The following GRIN2A variants were observed in gnomAD, a reference collection of about 807,000 sequenced individuals.
GRIN2A encodes the protein glutamate ionotropic receptor NMDA type subunit 2A.
In GRIN2A, 22 loss-of-function variants were observed where a neutral mutation model predicts 113.4. The ratio of observed to expected loss-of-function variants is 0.19; its 90% CI spans 0.14 to 0.28. The LOEUF is 0.28. GRIN2A is among the 10% of genes least tolerant of loss of function. The probability of loss-of-function intolerance (pLI) is 1.00; values close to 1 mark genes in which losing one functional copy is unlikely to be tolerated. For synonymous variants in GRIN2A, 827 were observed against 738.4 expected, an observed-to-expected ratio of 1.12 and a Z score of -1.94; for missense variants, 1,502 against 1,887.0, an observed-to-expected ratio of 0.80 and a Z score of 3.78.
At chr16:9,897,058 G>T (rs2043820645) in intron 3 of GRIN2A, among the ~76,000 whole-genome samples, 1 of 152,134 alleles carries the variant, frequency 6.6e-6, no homozygotes, top group Non-Finnish European at 1.5e-5. Flanking sequence ...GGAGCAATAA[G>T]TACACAGAAG....
At chr16:10,102,596 T>C (rs1236334185) in intron 2 of GRIN2A, among the ~76,000 whole-genome samples, 1 of 152,132 alleles carries the variant, frequency 6.6e-6, no homozygotes, top group East Asian at 1.9e-4. Flanking sequence ...GCCCAGGCTG[T>C]AGTGCAGTGT....
At chr16:9,857,021 G>T (rs1390444961) in intron 4 of GRIN2A, among the ~76,000 whole-genome samples, 1 of 152,156 alleles carries the variant, frequency 6.6e-6, no homozygotes, top group African/African-American at 2.4e-5. Flanking sequence ...TAATGGCGTG[G>T]TGTTCTACCT....
chr16:9,937,510 T>A (rs1210339682), intron 3 of GRIN2A, among the ~76,000 whole-genome samples: 2 of 152,142 alleles, frequency 1.3e-5, no homozygotes, highest in Non-Finnish European at 2.9e-5. Context: ...AAAATTTTTT[T>A]AAATAAAAGA....
At chr16:10,105,338 GAC>G (rs938260918) in intron 2 of GRIN2A, among the ~76,000 whole-genome samples, 1 of 152,168 alleles carries the variant, frequency 6.6e-6, no homozygotes, top group Non-Finnish European at 1.5e-5. Context: ...TCTTTCTGCA[GAC>G]ACAGAAAAAT....
At chr16:9,955,110 T>C (rs567961530) in intron 2 of GRIN2A, among the ~76,000 whole-genome samples, 3 of 152,324 alleles carry the variant, frequency 2.0e-5, no homozygotes, top group East Asian at 1.9e-4. Context: ...AGGGTTTCAC[T>C]CTCTCAACAG....
chr16:10,179,893 C>CCCAGAACAAAAA, intron 2 of GRIN2A, 105 bp downstream of exon 2: 1 of 719,818 alleles, frequency 1.4e-6, no homozygotes, highest in Non-Finnish European at 2.4e-6. Flanking sequence ...CCCCCACCCC[C>CCCAGAACAAAAA]ACTTCACATC....
intron 11 of GRIN2A, among the ~76,000 whole-genome samples, chr16:9,770,132 C>T (rs1901171207): frequency 6.6e-6 from 1 of 152,156 alleles, no homozygotes; most frequent in Admixed American, 6.5e-5. Flanking sequence ...ATCTATATGT[C>T]TAGCAATTAT....
rs561384693 is a variant in GRIN2A at position 10,070,158 on chromosome 16, C to T, written c.414+109840G>A. Among the ~76,000 whole-genome samples, 396 of 152,336 alleles carry T rather than the reference C, an allele frequency of 2.6e-3. 1 individual carries two copies. Among genetic ancestry groups the T allele is most frequent in the Non-Finnish European group, 4.8e-3 (328 of 68,020 alleles). On this transcript the variant is annotated intron_variant, in intron 2 of 12. Transcript: ENST00000330684. Reference sequence around the variant, plus strand: ...TCTTCATCCTCAACTCGGGGAAGTCCTGGAGCCCTTCCCTGGACATGGGTC... The same window carrying T: ...TCTTCATCCTCAACTCGGGGAAGTCTTGGAGCCCTTCCCTGGACATGGGTC...
intron 11 of GRIN2A, among the ~76,000 whole-genome samples, chr16:9,788,689 C>T (rs1902398653): frequency 6.7e-6 from 1 of 150,328 alleles, no homozygotes; most frequent in Admixed American, 6.6e-5. Context: ...TTGTTCTCAT[C>T]TTCATCTTCT....
chr16:9,883,656 C>G (rs1011359782), intron 4 of GRIN2A, among the ~76,000 whole-genome samples: 1 of 152,118 alleles, frequency 6.6e-6, no homozygotes, highest in African/African-American at 2.4e-5. Context: ...ATAAACATAT[C>G]CGTGGGAGGA....
At chr16:10,055,343 T>G (rs778719264) in intron 2 of GRIN2A, among the ~76,000 whole-genome samples, 58 of 152,128 alleles carry the variant, frequency 3.8e-4, no homozygotes, top group Non-Finnish European at 1.6e-4. Context: ...ATATTAACAT[T>G]TGTTAAATCT....
At chr16:9,920,084 C>A (rs2044330099) in intron 3 of GRIN2A, among the ~76,000 whole-genome samples, 1 of 152,198 alleles carries the variant, frequency 6.6e-6, no homozygotes, top group African/African-American at 2.4e-5. Flanking sequence ...TCTCTTCTCA[C>A]TAGAATAGGA....
chr16:9,767,038 G>C (rs142772471), intron 12 of GRIN2A, among the ~76,000 whole-genome samples: 1 of 152,316 alleles, frequency 6.6e-6, no homozygotes, highest in African/African-American at 2.4e-5. Context: ...AGAAGTAAAC[G>C]CAACAGTGTG....
At chr16:10,003,330 A>T (rs2046353656) in intron 2 of GRIN2A, among the ~76,000 whole-genome samples, 1 of 152,214 alleles carries the variant, frequency 6.6e-6, no homozygotes, top group African/African-American at 2.4e-5. Context: ...AGCAGTAATT[A>T]CCATAAAGGA....
intron 2 of GRIN2A, among the ~76,000 whole-genome samples, chr16:10,102,716 T>C (rs1465184516): frequency 6.6e-6 from 1 of 152,100 alleles, no homozygotes; most frequent in Admixed American, 6.5e-5. Context: ...CAGGCTGCCT[T>C]GGGTGTTTCT....
intron 2 of GRIN2A, among the ~76,000 whole-genome samples, chr16:9,974,539 T>A (rs1027054043): frequency 1.3e-5 from 2 of 152,138 alleles, no homozygotes; most frequent in African/African-American, 4.8e-5. Flanking sequence ...AATTGCTCAG[T>A]CGGGGAGCTC....
intron 3 of GRIN2A, among the ~76,000 whole-genome samples, chr16:9,898,054 CTTTTTTTTT>C (rs71402414): frequency 9.1e-6 from 1 of 109,722 alleles, no homozygotes; most frequent in East Asian, 2.7e-4. Flanking sequence ...CCTCCATTTC[CTTTTTTTTT>C]TTTTTTTTTT....
At chr16:9,820,049 A>C (rs1227256818) in intron 10 of GRIN2A, among the ~76,000 whole-genome samples, 1 of 151,378 alleles carries the variant, frequency 6.6e-6, no homozygotes, top group Admixed American at 6.6e-5. Context: ...CCATCTGCCC[A>C]CGTTTTCTAA....
intron 2 of GRIN2A, among the ~76,000 whole-genome samples, chr16:10,097,715 T>G (rs1444531865): frequency 6.6e-6 from 1 of 152,198 alleles, no homozygotes; most frequent in East Asian, 1.9e-4. Flanking sequence ...TCCTGCACTT[T>G]CTTTCTTAAG....
Sources: allele counts gnomAD v4.1 joint callset (sites outside exome capture counted in the v4.1 genomes callset), GRCh38; gene constraint gnomAD v4.1.1; transcripts MANE v1.5; gene names NCBI Gene and HGNC (gene_info 2026-07-23, HGNC 2026-07-21).